Variants in ATG5 observed in about 807,000 individuals in gnomAD.
The protein encoded by ATG5 is autophagy related 5, also known as autophagy protein 5.
In ATG5, 14 loss-of-function variants were observed where a neutral mutation model predicts 36.5. That is an observed-to-expected ratio of 0.38 (90% confidence interval 0.25 to 0.60). ATG5 has a LOEUF of 0.60. Ranked by LOEUF, ATG5 falls within the 20% of genes least tolerant of loss-of-function variation. The pLI is 0.60. For synonymous variants in ATG5, 95 were observed against 101.5 expected (o/e 0.94, Z 0.38); for missense variants, 195 against 326.7 (o/e 0.60, Z 3.11).
intron 4 of ATG5, among the ~76,000 whole-genome samples, chr6:106,284,597 C>A (rs1780003662): frequency 6.6e-6 from 1 of 152,172 alleles, no homozygotes; most frequent in Admixed American, 6.5e-5. Flanking sequence ...TCAAGTGATA[C>A]AACTGCCTCA....
intron 4 of ATG5, among the ~76,000 whole-genome samples, chr6:106,284,728 G>GT (rs78799354): frequency 0.11 from 14,703 of 132,646 alleles, 898 homozygotes; most frequent in Middle Eastern, 0.18. Context: ...GGTTTTTTTT[G>GT]TTTTTTTTTT....
At chr6:106,227,065 G>A (rs909821322) in intron 6 of ATG5, among the ~76,000 whole-genome samples, 2 of 150,770 alleles carry the variant, frequency 1.3e-5, no homozygotes, top group African/African-American at 4.9e-5. Context: ...TAAACTTCCC[G>A]AACTTGACCC....
At chr6:106,289,479 C>T (rs1780217544) in intron 4 of ATG5, among the ~76,000 whole-genome samples, 2 of 152,056 alleles carry the variant, frequency 1.3e-5, no homozygotes, top group South Asian at 4.1e-4. Context: ...GAAAGAAACA[C>T]ACTGATAGCT....
chr6:106,267,817 A>G (rs1330197027), intron 5 of ATG5, among the ~76,000 whole-genome samples: 2 of 152,214 alleles, frequency 1.3e-5, no homozygotes, highest in East Asian at 3.8e-4. Context: ...CCTATTCCTT[A>G]CACCTTATAC....
intron 6 of ATG5, among the ~76,000 whole-genome samples, chr6:106,223,948 A>G (rs1285771903): frequency 1.3e-5 from 2 of 152,242 alleles, no homozygotes; most frequent in Non-Finnish European, 2.9e-5. Context: ...TCCAGCCTCT[A>G]TGGCTCTAAT....
At chr6:106,228,383 C>G (rs1051288788) in intron 6 of ATG5, among the ~76,000 whole-genome samples, 1 of 152,196 alleles carries the variant, frequency 6.6e-6, no homozygotes, top group Non-Finnish European at 1.5e-5. Context: ...GGGCTAAAGA[C>G]TTGCCATTGT....
At chr6:106,228,397 T>C (rs1777532786) in intron 6 of ATG5, among the ~76,000 whole-genome samples, 1 of 152,190 alleles carries the variant, frequency 6.6e-6, no homozygotes, top group Non-Finnish European at 1.5e-5. Context: ...CCATTGTTCC[T>C]ACGCGGCTAA....
At chr6:106,256,842 A>G (rs1582619082) in intron 5 of ATG5, among the ~76,000 whole-genome samples, 1 of 152,316 alleles carries the variant, frequency 6.6e-6, no homozygotes, top group East Asian at 1.9e-4. Flanking sequence ...ACTCTACTGT[A>G]GACTTTGTAA....
At position 106,311,515 on chromosome 6, in the gene ATG5, C is replaced by T. The variant is rs1188128569; in HGVS notation, c.109-3024G>A. Reference sequence around the variant, plus strand: ...TGCCTTTTCCAAACAGGGGACACTGCAAGACAAAAGGCATGGAATGAATAC... The same window carrying T: ...TGCCTTTTCCAAACAGGGGACACTGTAAGACAAAAGGCATGGAATGAATAC... On this transcript the variant is annotated intron_variant, in intron 2 of 7. Coordinates refer to ENST00000369076, the MANE Select transcript of ATG5 (RefSeq NM_004849.4). 2.0e-5 allele frequency among the ~76,000 whole-genome samples: 3 copies of T among 152,012 alleles called. No individual in the cohort carries two copies. The East Asian group carries it at 5.8e-4, about 29-fold the overall frequency.
intron 6 of ATG5, among the ~76,000 whole-genome samples, chr6:106,235,476 T>A (rs56111131): frequency 7.5e-6 from 1 of 133,546 alleles, no homozygotes; most frequent in South Asian, 2.2e-4. Flanking sequence ...TCCTGTTGAG[T>A]GGGGGGACTG....
At chr6:106,307,935 T>A (rs974094225) in intron 3 of ATG5, among the ~76,000 whole-genome samples, 1 of 152,186 alleles carries the variant, frequency 6.6e-6, no homozygotes. Context: ...TTAAGATGTG[T>A]TTCTGGCACA....
rs902337588 is a variant in ATG5 at position 106,291,974 on chromosome 6, C to G, written c.315+1054G>C. On this transcript the variant is annotated intron_variant, in intron 4 of 7. Transcript: ENST00000369076. ...TCAGTAAAACAGGAAGGAAAAGCATCACATGAAGAATGAATGAGCAACCTT... is the reference window on the plus strand; with the variant it reads ...TCAGTAAAACAGGAAGGAAAAGCATGACATGAAGAATGAATGAGCAACCTT... Among the ~76,000 whole-genome samples the G allele has an allele frequency of 3.9e-5, 6 of 152,292 alleles. No homozygotes were observed. In the South Asian group the frequency reaches 6.2e-4, roughly 16 times the overall value.
At chr6:106,288,409 G>C (rs374730056) in intron 4 of ATG5, among the ~76,000 whole-genome samples, 2 of 151,958 alleles carry the variant, frequency 1.3e-5, no homozygotes, top group African/African-American at 4.8e-5. Context: ...GCTTGAAGAA[G>C]GTACCATTTT....
chr6:106,318,153 C>T (rs907630567), intron 1 of ATG5, among the ~76,000 whole-genome samples: 2 of 152,106 alleles, frequency 1.3e-5, no homozygotes, highest in African/African-American at 4.8e-5. Flanking sequence ...AAGACAATTG[C>T]TCTTCCCTCC....
intron 3 of ATG5, among the ~76,000 whole-genome samples, chr6:106,302,719 T>C (rs1163834322): frequency 6.6e-6 from 1 of 151,666 alleles, no homozygotes; most frequent in East Asian, 1.9e-4. Context: ...AGAATCAAAC[T>C]AGAAATCAAT....
At chr6:106,251,981 T>TA in intron 5 of ATG5, among the ~76,000 whole-genome samples, 1 of 152,058 alleles carries the variant, frequency 6.6e-6, no homozygotes, top group Non-Finnish European at 1.5e-5. Flanking sequence ...GCTGGGGTTA[T>TA]AGGCATGCAT....
At chr6:106,277,102 A>C (rs1157036850) in intron 5 of ATG5, among the ~76,000 whole-genome samples, 1 of 152,236 alleles carries the variant, frequency 6.6e-6, no homozygotes, top group African/African-American at 2.4e-5. Context: ...CACTGTCATA[A>C]AATGCATGCC....
chr6:106,274,881 A>G (rs933540709), intron 5 of ATG5, among the ~76,000 whole-genome samples: 2 of 152,234 alleles, frequency 1.3e-5, no homozygotes, highest in African/African-American at 4.8e-5. Flanking sequence ...CATAAACCAT[A>G]TAACTATACC....
rs1770106102 is a variant in ATG5 at position 106,299,214 on chromosome 6, T to C, written c.237-6108A>G. 2.0e-5 allele frequency among the ~76,000 whole-genome samples: 3 copies of C among 152,346 alleles called. No homozygotes were observed. The South Asian group carries it at 6.2e-4, about 32-fold the overall frequency. On this transcript the variant is annotated intron_variant, in intron 3 of 7. Coordinates refer to ENST00000369076, the MANE Select transcript of ATG5 (RefSeq NM_004849.4). ...ACCCTTATATTAAATGGCATAGTATTTGCATATAACCTACACACATTCTCC... is the reference window on the plus strand; with the variant it reads ...ACCCTTATATTAAATGGCATAGTATCTGCATATAACCTACACACATTCTCC...
Sources: allele counts gnomAD v4.1 joint callset (sites outside exome capture counted in the v4.1 genomes callset), GRCh38; gene constraint gnomAD v4.1.1; transcripts MANE v1.5; gene names NCBI Gene and HGNC (gene_info 2026-07-23, HGNC 2026-07-21).